Variants in EPHA3 observed in about 807,000 individuals in gnomAD.
EPHA3 encodes the protein EPH receptor A3.
Under a neutral mutation model 107.1 loss-of-function variants are expected in EPHA3, and 42 were observed. The ratio of observed to expected loss-of-function variants is 0.39; its 90% confidence interval spans 0.31 to 0.51. The LOEUF is 0.51. Ranked by LOEUF, EPHA3 falls within the 20% of genes least tolerant of loss-of-function variation. The pLI, the probability that EPHA3 is intolerant of heterozygous loss-of-function variation, is 0.78. For synonymous variants in EPHA3, 461 were observed against 424.8 expected (o/e 1.09, Z -1.05); for missense variants, 1,183 against 1,211.2 (o/e 0.98, Z 0.35).
chr3:89,324,415 C>A (rs1707119100), intron 3 of EPHA3, among the ~76,000 whole-genome samples: 1 of 151,968 alleles, frequency 6.6e-6, no homozygotes, highest in Non-Finnish European at 1.5e-5. Context: ...AAGTGATCCA[C>A]CTGCCTAGGC....
intron 1 of EPHA3, among the ~76,000 whole-genome samples, chr3:89,121,205 C>T (rs1237164654): frequency 6.6e-6 from 1 of 151,978 alleles, no homozygotes; most frequent in African/African-American, 2.4e-5. Flanking sequence ...CACTGCACTC[C>T]AGCCTGGGCG....
chr3:89,117,801 A>G (rs1317530965), intron 1 of EPHA3, among the ~76,000 whole-genome samples: 1 of 152,056 alleles, frequency 6.6e-6, no homozygotes, highest in South Asian at 2.1e-4. Flanking sequence ...ATTTTCCCCA[A>G]TTGTCCTCTA....
chr3:89,475,629 A>G (rs1413191557), intron 16 of EPHA3, among the ~76,000 whole-genome samples: 1 of 152,188 alleles, frequency 6.6e-6, no homozygotes, highest in Non-Finnish European at 1.5e-5. Context: ...GAGAAAGGGA[A>G]AGGTTAGAGT....
At chr3:89,345,639 A>C (rs965416917) in intron 5 of EPHA3, among the ~76,000 whole-genome samples, 1 of 125,868 alleles carries the variant, frequency 7.9e-6, no homozygotes, top group Non-Finnish European at 1.7e-5. Flanking sequence ...TTTATACTTT[A>C]AGTTTTAGGG....
chr3:89,144,148 A>G (rs1326969405), intron 2 of EPHA3, among the ~76,000 whole-genome samples: 3 of 151,702 alleles, frequency 2.0e-5, no homozygotes, highest in Non-Finnish European at 4.4e-5. Flanking sequence ...TGGTTTTGCC[A>G]AATGCATAAT....
At chr3:89,372,148 A>C (rs993107310) in intron 5 of EPHA3, among the ~76,000 whole-genome samples, 3 of 151,616 alleles carry the variant, frequency 2.0e-5, no homozygotes, top group African/African-American at 7.3e-5. Context: ...CCCATCTTGG[A>C]ATCTATGGAT....
intron 1 of EPHA3, among the ~76,000 whole-genome samples, chr3:89,109,784 C>T (rs1401497121): frequency 6.6e-6 from 1 of 152,000 alleles, no homozygotes; most frequent in South Asian, 2.1e-4. Context: ...ATTCAGAAAG[C>T]TGACATAATT....
At chr3:89,412,588 A>G (rs924961757) in intron 9 of EPHA3, among the ~76,000 whole-genome samples, 1 of 151,712 alleles carries the variant, frequency 6.6e-6, no homozygotes, top group African/African-American at 2.4e-5. Context: ...TAGATTTGTA[A>G]TTACAGTGGG....
At chr3:89,380,371 C>T (rs971435866) in intron 5 of EPHA3, among the ~76,000 whole-genome samples, 51 of 152,126 alleles carry the variant, frequency 3.4e-4, no homozygotes, top group African/African-American at 1.1e-3. Context: ...TATATGCATG[C>T]GTCTGTGTGT....
intron 3 of EPHA3, among the ~76,000 whole-genome samples, chr3:89,326,258 C>T (rs1707164577): frequency 6.6e-6 from 1 of 152,086 alleles, no homozygotes; most frequent in Non-Finnish European, 1.5e-5. Flanking sequence ...TAGCCTATTG[C>T]ATGCTTCCAT....
intron 5 of EPHA3, among the ~76,000 whole-genome samples, chr3:89,384,232 A>G (rs1708568879): frequency 6.6e-6 from 1 of 152,084 alleles, no homozygotes; most frequent in Admixed American, 6.6e-5. Flanking sequence ...TGTGGAAACC[A>G]GTGAATTAAG....
chr3:89,232,648 CA>C (rs757799962), intron 3 of EPHA3, among the ~76,000 whole-genome samples: 2 of 152,056 alleles, frequency 1.3e-5, no homozygotes, highest in Admixed American at 6.6e-5. Flanking sequence ...GCAAAAATGC[CA>C]CTTCTTAATT....
In EPHA3 at chr3:89,361,757, T is replaced by A. The variant is rs1434876030; in HGVS notation, c.1306+19667T>A. On this transcript the variant is annotated intron_variant, in intron 5 of 16. Coordinates refer to ENST00000336596, the MANE Select transcript of EPHA3 (RefSeq NM_005233.6). Reference sequence around the variant, plus strand: ...CCCATTCTCTGCTATCCCCTTAGCCTGGAGAGGTGATAATAACTTGAGTTT... The same window carrying A: ...CCCATTCTCTGCTATCCCCTTAGCCAGGAGAGGTGATAATAACTTGAGTTT... Among the ~76,000 whole-genome samples the A allele has an allele frequency of 2.6e-5, 4 of 150,978 alleles. No individual in the cohort carries two copies. The Admixed American group carries it at 2.7e-4, about 10-fold the overall frequency.
At chr3:89,405,338 A>C (rs1410007842) in intron 7 of EPHA3, among the ~76,000 whole-genome samples, 4 of 152,194 alleles carry the variant, frequency 2.6e-5, no homozygotes, top group Admixed American at 2.6e-4. Flanking sequence ...TAAGGGGTAC[A>C]TAACCTGTGC....
intron 3 of EPHA3, among the ~76,000 whole-genome samples, chr3:89,245,531 T>C (rs1456585097): frequency 6.6e-6 from 1 of 152,210 alleles, no homozygotes; most frequent in Non-Finnish European, 1.5e-5. Context: ...CTTGATTTCA[T>C]AAAAAGAGAA....
intron 10 of EPHA3, among the ~76,000 whole-genome samples, chr3:89,416,371 C>T (rs904191068): frequency 1.7e-4 from 26 of 151,308 alleles, no homozygotes; most frequent in African/African-American, 6.3e-4. Flanking sequence ...TTGAATAAGA[C>T]AATATAAAAC....
chr3:89,339,986 T>A lies in EPHA3; in HGVS notation c.815-930T>A, dbSNP rs118047834. Among the ~76,000 whole-genome samples the A allele has an allele frequency of 2.0e-3, 299 of 152,298 alleles. 2 individuals are homozygous for A. In the East Asian group the frequency reaches 0.022, roughly 11 times the overall value. On this transcript the variant is annotated intron_variant, in intron 3 of 16. Coordinates refer to ENST00000336596, the MANE Select transcript of EPHA3 (RefSeq NM_005233.6). The stretch of plus-strand genomic sequence containing the variant: ...GACTTCTTGGAATTTTCACTATGAT[T>A]TTAGTTCTCAATGTAATTATAAAAA...
chr3:89,392,478 T>C (rs1708765165), intron 5 of EPHA3, among the ~76,000 whole-genome samples: 3 of 151,844 alleles, frequency 2.0e-5, no homozygotes, highest in African/African-American at 4.8e-5. Context: ...TTACTGGCAA[T>C]TGCGATTTTA....
At chr3:89,389,465 C>G (rs541443512) in intron 5 of EPHA3, among the ~76,000 whole-genome samples, 114 of 152,274 alleles carry the variant, frequency 7.5e-4, no homozygotes, top group African/African-American at 2.2e-3. Flanking sequence ...ATCCTGAGCC[C>G]TTTTTGTTAT....
Sources: gnomAD v4.1 joint callset for allele counts (sites outside exome capture counted in the v4.1 genomes callset) on GRCh38, gnomAD v4.1.1 for gene constraint, MANE v1.5 for transcripts, NCBI Gene and HGNC (gene_info 2026-07-23, HGNC 2026-07-21) for gene names.